ZZEF1: variants seen among roughly 807,000 people sequenced by gnomAD.
ZZEF1 encodes the protein zinc finger ZZ-type and EF-hand domain containing 1, also known as zinc finger ZZ-type and EF-hand domain-containing protein 1.
Under a neutral mutation model 342.8 loss-of-function variants are expected in ZZEF1, and 157 were observed. That is an observed-to-expected ratio of 0.46 (90% CI 0.40 to 0.52). The LOEUF (loss-of-function observed/expected upper bound fraction) is 0.52, where lower values mean the gene tolerates loss of function less well. ZZEF1 is among the 20% of genes least tolerant of loss of function. The probability of loss-of-function intolerance (pLI) is 0.00; values close to 1 mark genes in which losing one functional copy is unlikely to be tolerated. For synonymous variants in ZZEF1, 1,505 were observed against 1,429.1 expected, an observed-to-expected ratio of 1.05 and a Z score of -1.20; for missense variants, 3,480 against 3,725.6, an observed-to-expected ratio of 0.93 and a Z score of 1.72.
At chr17:4,055,239 G>C (rs1354899201) in intron 33 of ZZEF1, among the ~76,000 whole-genome samples, 1 of 152,124 alleles carries the variant, frequency 6.6e-6, no homozygotes, top group Non-Finnish European at 1.5e-5. Flanking sequence ...TACAACTACA[G>C]AACTCCCAAA....
intron 37 of ZZEF1, among the ~76,000 whole-genome samples, chr17:4,047,581 T>G (rs946894909): frequency 1.5e-4 from 22 of 151,374 alleles, no homozygotes; most frequent in Admixed American, 3.3e-4. Context: ...AGGTGGAGGT[T>G]GCAGTGAGCC....
At position 4,142,936 on chromosome 17, in the gene ZZEF1, G is replaced by A. The variant is rs549391713; in HGVS notation, c.-41C>T. The A allele has an allele frequency of 7.7e-6, 10 of 1,300,680 alleles. No homozygotes were observed. In the Admixed American group the frequency reaches 2.5e-4, roughly 33 times the overall value. The allele number at this position is 1,300,680 out of a possible 1,614,324, so 80.6% of individuals were successfully genotyped here. On this transcript the variant is annotated 5_prime_UTR_variant, in exon 1 of 55. Coordinates refer to ENST00000381638, the MANE Select transcript of ZZEF1 (RefSeq NM_015113.4). ...GGCGCCTGGCTCTGCAGCCGCCGCCGCCGCCTCCCCGCCTCGACCTGTCAA... is the reference window on the plus strand; with the variant it reads ...GGCGCCTGGCTCTGCAGCCGCCGCCACCGCCTCCCCGCCTCGACCTGTCAA...
At chr17:4,071,318 C>T (rs936531335) in intron 25 of ZZEF1, 21 of 173,288 alleles carry the variant, frequency 1.2e-4, no homozygotes, top group African/African-American at 4.1e-4. Flanking sequence ...GCAGAGGTTA[C>T]GAGTCAGTGG....
chr17:4,064,878 TG>T (rs1437134094), intron 28 of ZZEF1, 49 bp from the exon 29 acceptor site: 3 of 1,138,870 alleles, frequency 2.6e-6, no homozygotes, highest in African/African-American at 3.5e-5. Context: ...GTTAAAATTA[TG>T]GGGGAGGGGG....
chr17:4,115,028 T>C (rs181745789), intron 3 of ZZEF1, among the ~76,000 whole-genome samples: 3 of 152,110 alleles, frequency 2.0e-5, no homozygotes, highest in African/African-American at 7.2e-5. Flanking sequence ...TGCTTTTTTT[T>C]GTTGAGATTT....
At chr17:4,074,925 A>G (rs1277257412) in intron 23 of ZZEF1, among the ~76,000 whole-genome samples, 172 bp downstream of exon 23, 2 of 152,276 alleles carry the variant, frequency 1.3e-5, no homozygotes, top group Non-Finnish European at 2.9e-5. Flanking sequence ...ATTTGTTTAC[A>G]AAACAGGTGA....
intron 1 of ZZEF1, among the ~76,000 whole-genome samples, chr17:4,127,924 TG>T (rs2145570915): frequency 6.6e-6 from 1 of 152,342 alleles, no homozygotes; most frequent in Non-Finnish European, 1.5e-5. Context: ...TTCATCTCGC[TG>T]TGAGTCCACC....
At chr17:4,041,220 A>C (rs1237576718) in intron 39 of ZZEF1, among the ~76,000 whole-genome samples, 1 of 152,170 alleles carries the variant, frequency 6.6e-6, no homozygotes, top group African/African-American at 2.4e-5. Context: ...TCCTCATTCT[A>C]GTTCCACGTG....
At position 4,050,793 on chromosome 17, in the gene ZZEF1, G is replaced by A. The variant is rs146287047; in HGVS notation, c.5851C>T (p.His1951Tyr). 7,000 of 1,613,858 alleles carry A rather than the reference G, an allele frequency of 4.3e-3. 17 individuals carry two copies. The highest frequency in any genetic ancestry group is 5.2e-3 in the Non-Finnish European group (6,119 of 1,180,036). ...ATTGGGAAGTCACCTTTTCCCTGAT[G>A]AGCCTTCATCAGACAGTCCCCGACG... ...QLVGDCLMKA[H>Y]QGKGLKALAL... is the part of the protein sequence containing the mutation. Residue 1951 changes from histidine to tyrosine, a missense_variant, in exon 36 of 55, where the codon CAT (histidine) becomes TAT (tyrosine). Physicochemically the swap from His to Tyr is moderately conservative, Grantham distance 83. This residue lies in a region of ZZEF1 where 1,269 missense variants were observed against 1,342.4 expected (regional missense o/e 0.95). Coordinates refer to ENST00000381638, the MANE Select transcript of ZZEF1 (RefSeq NM_015113.4).
intron 16 of ZZEF1, among the ~76,000 whole-genome samples, chr17:4,084,588 A>C (rs1031061061): frequency 3.3e-5 from 5 of 152,198 alleles, no homozygotes; most frequent in Admixed American, 3.3e-4. Context: ...TGTTTTTGAT[A>C]TGGCCTAGAG....
chr17:4,054,423 G>A (rs1455508251), intron 33 of ZZEF1, among the ~76,000 whole-genome samples: 1 of 152,200 alleles, frequency 6.6e-6, no homozygotes, highest in Admixed American at 6.5e-5. Flanking sequence ...AGGCTTAGAG[G>A]ACAGAGGACT....
intron 1 of ZZEF1, among the ~76,000 whole-genome samples, chr17:4,125,543 GC>G (rs2058560119): frequency 6.6e-6 from 1 of 152,178 alleles, no homozygotes; most frequent in East Asian, 1.9e-4. Context: ...CATTCTTTTT[GC>G]CTCTGTTCAA....
chr17:4,086,667 C>T lies in ZZEF1; in HGVS notation c.2343-12G>A. 1 of 1,611,516 alleles carries T rather than the reference C, an allele frequency of 6.2e-7. No homozygotes were observed. Among genetic ancestry groups the T allele is most frequent in the Non-Finnish European group, 8.5e-7 (1 of 1,179,540 alleles). ...ATTCTTCCCTCGGGCTACAGAAAGACAAAAAACATCAGAGAGCAAAAGGGC... is the reference window on the plus strand; with the variant it reads ...ATTCTTCCCTCGGGCTACAGAAAGATAAAAAACATCAGAGAGCAAAAGGGC... On this transcript the variant is annotated splice_polypyrimidine_tract_variant and intron_variant, in intron 14 of 54. Transcript: ENST00000381638.
Position 4,076,759 on chromosome 17 carries a change from C to T in ZZEF1, c.3112G>A (p.Val1038Ile). The T allele has an allele frequency of 6.2e-7, 1 of 1,605,586 alleles. No individual in the cohort carries two copies. The change falls in exon 21 of 55, where the codon GTT becomes ATT. Residue 1038 changes from valine to isoleucine, a missense_variant and splice_region_variant. This residue lies in a region of ZZEF1 where 1,528 missense variants were observed against 1,624.1 expected (regional missense o/e 0.94). Transcript: ENST00000381638. ...GTGCAGAAGTCCAGCAGGAAGATAA[C>T]CTAATGGAAGATGGATGAAGCACTC... Reference protein sequence around the residue: ...SVFSMAARQLVIFLLDFCTLD... With the variant: ...SVFSMAARQLIIFLLDFCTLD...
At chr17:4,054,358 A>G (rs2057111685) in intron 33 of ZZEF1, among the ~76,000 whole-genome samples, 163 bp from the exon 34 acceptor site, 1 of 152,226 alleles carries the variant, frequency 6.6e-6, no homozygotes, top group Admixed American at 6.5e-5. Context: ...TGGGAATTCC[A>G]TCAAGGAGGT....
intron 7 of ZZEF1, 32 bp downstream of exon 7, chr17:4,105,659 TCA>T (rs768912243): frequency 2.7e-6 from 4 of 1,481,858 alleles, no homozygotes; most frequent in Admixed American, 3.5e-5. Flanking sequence ...ACTCCATTCC[TCA>T]CAGAGTTTAC....
At chr17:4,024,520 T>C (rs959991961) in intron 43 of ZZEF1, among the ~76,000 whole-genome samples, 1 of 152,136 alleles carries the variant, frequency 6.6e-6, no homozygotes, top group African/African-American at 2.4e-5. Flanking sequence ...TTTCAACTTG[T>C]CTACCTCCTT....
At chr17:4,072,059 A>C (rs1449761236) in intron 25 of ZZEF1, among the ~76,000 whole-genome samples, 2 of 152,156 alleles carry the variant, frequency 1.3e-5, no homozygotes, top group African/African-American at 4.8e-5. Flanking sequence ...GAAGGAGCCA[A>C]ATTTAACAGA....
chr17:4,070,426 GT>G (rs986790313), intron 26 of ZZEF1, among the ~76,000 whole-genome samples: 1 of 152,078 alleles, frequency 6.6e-6, no homozygotes, highest in Non-Finnish European at 1.5e-5. Context: ...TTTCTCAGCA[GT>G]TTTCCATGAG....
Sources: gnomAD v4.1 joint callset for allele counts (sites outside exome capture counted in the v4.1 genomes callset) on GRCh38, gnomAD v4.1.1 for gene constraint, gnomAD v4.1.1 regional missense constraint, MANE v1.5 for transcripts, NCBI Gene and HGNC (gene_info 2026-07-23, HGNC 2026-07-21) for gene names.